PALLD: variants seen among roughly 807,000 people sequenced by gnomAD.
The protein encoded by PALLD is palladin.
Under a neutral mutation model 123.5 loss-of-function variants are expected in PALLD, and 61 were observed. The ratio of observed to expected loss-of-function variants is 0.49; its 90% confidence interval spans 0.40 to 0.61. The LOEUF (loss-of-function observed/expected upper bound fraction) is 0.61, where lower values mean the gene tolerates loss of function less well. PALLD is among the 20% of genes least tolerant of loss of function. The pLI is 0.00. For missense variants in PALLD, 1,273 were observed against 1,377.0 expected (o/e 0.92, Z 1.20); for synonymous variants, 465 against 496.4 (o/e 0.94, Z 0.84).
At chr4:168,785,431 T>C (rs1736575160) in intron 10 of PALLD, among the ~76,000 whole-genome samples, 1 of 152,130 alleles carries the variant, frequency 6.6e-6, no homozygotes, top group Non-Finnish European at 1.5e-5. Flanking sequence ...ACTGAATAAA[T>C]CCAGTGGAAA....
chr4:168,608,128 G>T (rs1288106727), intron 2 of PALLD, among the ~76,000 whole-genome samples: 1 of 152,228 alleles, frequency 6.6e-6, no homozygotes, highest in Non-Finnish European at 1.5e-5. Context: ...AATCGCTGTG[G>T]CTGTAGAGCA....
chr4:168,572,262 G>A (rs1363662375), intron 2 of PALLD, among the ~76,000 whole-genome samples: 1 of 151,946 alleles, frequency 6.6e-6, no homozygotes, highest in African/African-American at 2.4e-5. Flanking sequence ...CACTCAGTGT[G>A]GTCCAGGTAC....
intron 2 of PALLD, among the ~76,000 whole-genome samples, chr4:168,625,383 T>C (rs1345942679): frequency 1.3e-5 from 2 of 151,484 alleles, no homozygotes; most frequent in South Asian, 2.1e-4. Flanking sequence ...AATGGGGCTA[T>C]ATCAAACTTA....
rs1459185173 is a variant in PALLD, at chr4:168,928,055, C to CA, written c.*1876dup. The stretch of plus-strand genomic sequence containing the variant: ...ACAGCTTTCTACTTCTTTGTAAGAA[C>CA]ACCAACCAACCAAGGTTTAAGTGAT... On this transcript the variant is annotated 3_prime_UTR_variant, in exon 22 of 22. Coordinates refer to ENST00000505667, the MANE Select transcript of PALLD (RefSeq NM_001166108.2). The CA allele has an allele frequency of 1.0e-5, 2 of 195,718 alleles. No individual in the cohort carries two copies. Among genetic ancestry groups the CA allele is most frequent in the Non-Finnish European group, 2.1e-5 (2 of 93,922 alleles). 12.1% of individuals were successfully genotyped at this position (195,718 alleles called of 1,614,324 possible). A position where few individuals can be genotyped will look rare whatever the true frequency, so the allele number is the denominator to read the frequency against.
At chr4:168,896,506 A>C (rs951437937) in intron 12 of PALLD, 43 bp from the exon 13 acceptor site, 3 of 1,133,784 alleles carry the variant, frequency 2.6e-6, no homozygotes, top group Admixed American at 2.0e-5. Context: ...CATTCTTATT[A>C]TTTCTATTAT....
intron 1 of PALLD, among the ~76,000 whole-genome samples, chr4:168,509,480 A>G (rs761542695): frequency 1.3e-5 from 2 of 152,216 alleles, no homozygotes; most frequent in Non-Finnish European, 2.9e-5. Context: ...AAATACATTC[A>G]AGTATTAAAA....
intron 2 of PALLD, among the ~76,000 whole-genome samples, chr4:168,625,923 T>C (rs994741191): frequency 1.3e-5 from 2 of 152,172 alleles, no homozygotes; most frequent in African/African-American, 4.8e-5. Flanking sequence ...TCCATGTTCA[T>C]AGCAGCATTA....
At chr4:168,608,390 A>T (rs1406446929) in intron 2 of PALLD, among the ~76,000 whole-genome samples, 1 of 152,188 alleles carries the variant, frequency 6.6e-6, no homozygotes, top group East Asian at 1.9e-4. Context: ...TTTTCAGGAC[A>T]TATTATAGTG....
At chr4:168,738,172 T>C (rs182468086) in intron 10 of PALLD, among the ~76,000 whole-genome samples, 1 of 152,330 alleles carries the variant, frequency 6.6e-6, no homozygotes, top group African/African-American at 2.4e-5. Context: ...TTAGTCAGGG[T>C]TTGGAATCAA....
At chr4:168,616,972 C>T (rs569762593) in intron 2 of PALLD, among the ~76,000 whole-genome samples, 1 of 152,154 alleles carries the variant, frequency 6.6e-6, no homozygotes, top group Non-Finnish European at 1.5e-5. Flanking sequence ...TTCCAGGCCA[C>T]CATGGAGATG....
At chr4:168,808,680 C>T (rs1740599155) in intron 10 of PALLD, among the ~76,000 whole-genome samples, 1 of 152,150 alleles carries the variant, frequency 6.6e-6, no homozygotes, top group Non-Finnish European at 1.5e-5. Flanking sequence ...AGAGGCCTCA[C>T]AATCATGGCA....
At chr4:168,922,231 G>A (rs1271158556) in intron 18 of PALLD, among the ~76,000 whole-genome samples, 3 of 151,826 alleles carry the variant, frequency 2.0e-5, no homozygotes, top group Non-Finnish European at 2.9e-5. Context: ...TATTGTGTAG[G>A]TAAATTCTGT....
At chr4:168,507,777 C>T (rs1762145489) in intron 1 of PALLD, 1 of 177,612 alleles carries the variant, frequency 5.6e-6, no homozygotes. Context: ...TGCAAGTTCT[C>T]TGCATGGCTC....
chr4:168,586,931 G>A (rs1770883441), intron 2 of PALLD, among the ~76,000 whole-genome samples: 1 of 152,162 alleles, frequency 6.6e-6, no homozygotes, highest in South Asian at 2.1e-4. Flanking sequence ...CGATAAGAGA[G>A]TGAGTAAAAA....
chr4:168,907,230 A>G (rs1237560435), intron 15 of PALLD, among the ~76,000 whole-genome samples: 1 of 152,226 alleles, frequency 6.6e-6, no homozygotes, highest in East Asian at 1.9e-4. Context: ...CATTATTTTA[A>G]TTCAGAGACA....
At chr4:168,541,541 C>A (rs1255744710) in intron 2 of PALLD, among the ~76,000 whole-genome samples, 1 of 151,912 alleles carries the variant, frequency 6.6e-6, no homozygotes, top group Admixed American at 6.6e-5. Context: ...TGGCATGAGG[C>A]CCAGGTTCAA....
intron 2 of PALLD, among the ~76,000 whole-genome samples, chr4:168,595,617 T>C (rs1771899263): frequency 6.6e-6 from 1 of 152,200 alleles, no homozygotes; most frequent in Admixed American, 6.5e-5. Context: ...TGAGTAAATG[T>C]GTTAACCCAT....
chr4:168,838,031 G>A (rs144809258), intron 10 of PALLD, among the ~76,000 whole-genome samples: 18 of 152,318 alleles, frequency 1.2e-4, no homozygotes, highest in African/African-American at 4.3e-4. Flanking sequence ...AAGGACAGCT[G>A]TGAGATAACA....
At chr4:168,692,766 A>G (rs1336840403) in intron 8 of PALLD, among the ~76,000 whole-genome samples, 1 of 152,244 alleles carries the variant, frequency 6.6e-6, no homozygotes, top group Non-Finnish European at 1.5e-5. Flanking sequence ...CTAGCATGAA[A>G]TAAGGCAGCT....
Sources: allele counts gnomAD v4.1 joint callset (sites outside exome capture counted in the v4.1 genomes callset), GRCh38; gene constraint gnomAD v4.1.1; transcripts MANE v1.5; gene names NCBI Gene and HGNC (gene_info 2026-07-23, HGNC 2026-07-21).